The following ZCCHC4 variants were observed in gnomAD, a reference collection of about 807,000 sequenced individuals.
ZCCHC4 encodes the protein zinc finger CCHC-type containing 4.
ZCCHC4 carries 54 observed loss-of-function variants against 67.7 expected under a neutral mutation model. The ratio of observed to expected loss-of-function variants is 0.80; its 90% confidence interval spans 0.64 to 1.00. The LOEUF (loss-of-function observed/expected upper bound fraction) is 1.00, where lower values mean the gene tolerates loss of function less well. Among genes scored for constraint, ZCCHC4 ranks in the 50% least tolerant of loss-of-function variants. The pLI is 0.00. For synonymous variants in ZCCHC4, 198 were observed against 213.5 expected (o/e 0.93, Z 0.63); for missense variants, 609 against 617.0 (o/e 0.99, Z 0.14).
intron 5 of ZCCHC4, among the ~76,000 whole-genome samples, chr4:25,340,492 A>T (rs1477971942): frequency 2.6e-5 from 4 of 152,120 alleles, no homozygotes; most frequent in African/African-American, 9.7e-5. Flanking sequence ...TTGCGTTTCC[A>T]TATGAATGTT....
At chr4:25,353,629 T>C (rs1258711131) in intron 8 of ZCCHC4, among the ~76,000 whole-genome samples, 1 of 152,230 alleles carries the variant, frequency 6.6e-6, no homozygotes, top group Non-Finnish European at 1.5e-5. Context: ...ATATGTCAAA[T>C]GGATAACTGA....
chr4:25,323,288 G>A (rs1718680548), intron 3 of ZCCHC4, among the ~76,000 whole-genome samples: 2 of 152,110 alleles, frequency 1.3e-5, no homozygotes, highest in South Asian at 4.1e-4. Context: ...GTTCATGTGG[G>A]AAAGAAAAGA....
At position 25,333,342 on chromosome 4, in the gene ZCCHC4, A is replaced by C; in HGVS notation, c.489A>C (p.Pro163=). The change falls in exon 4 of 13, where the codon CCA becomes CCC. Residue 163 remains proline (P), a synonymous_variant. Coordinates refer to ENST00000302874, the MANE Select transcript of ZCCHC4 (RefSeq NM_024936.3). The part of the protein sequence containing the change: ...QLRRPSQLLY[P]LENKKTNAQY... ...GAAGGCCCAGTCAACTCCTTTATCC[A>C]CTGGAAAACAAGAAGACAAATGCCC... 6.2e-7 allele frequency: 1 copy of C among 1,614,096 alleles called. No homozygotes were observed. The highest frequency in any genetic ancestry group is 8.5e-7 in the Non-Finnish European group (1 of 1,180,024).
chr4:25,333,554 G>A, intron 4 of ZCCHC4, 96 bp downstream of exon 4: 2 of 1,326,974 alleles, frequency 1.5e-6, no homozygotes, highest in East Asian at 2.3e-5. Context: ...GCAAGGTATA[G>A]CATGAAGCTT....
intron 3 of ZCCHC4, among the ~76,000 whole-genome samples, chr4:25,321,393 G>A (rs1055408101): frequency 6.6e-6 from 1 of 151,976 alleles, no homozygotes; most frequent in African/African-American, 2.4e-5. Context: ...GTTTGTTTGA[G>A]ATGGAGTCTT....
intron 3 of ZCCHC4, among the ~76,000 whole-genome samples, chr4:25,327,689 C>T (rs899170010): frequency 6.6e-6 from 1 of 152,062 alleles, no homozygotes; most frequent in African/African-American, 2.4e-5. Flanking sequence ...CTGTGTTGCC[C>T]AGGCAGGTCT....
chr4:25,351,520 G>GA, intron 7 of ZCCHC4, 69 bp from the exon 8 acceptor site: 2 of 1,041,882 alleles, frequency 1.9e-6, no homozygotes, highest in Non-Finnish European at 1.4e-6. Context: ...GCTAGCGGAA[G>GA]TTTTTCTACT....
At position 25,312,858 on chromosome 4, in the gene ZCCHC4, G is replaced by C; in HGVS notation, c.49G>C (p.Ala17Pro). ...TGAAGCCGTGGAGGCAGAGGGCAGC[G>C]CAGGGTGCCGGGGAAGCTCGGGAAT... ...GFEAVEAEGS[A>P]GCRGSSGMEV... is the part of the protein sequence containing the mutation. Residue 17 changes from alanine (A) to proline (P), a missense_variant, in exon 1 of 13, where the codon GCA (alanine) becomes CCA (proline). Ala to Pro is a conservative substitution (Grantham distance 27). Transcript: ENST00000302874. 1 of 1,613,204 alleles carries C rather than the reference G, an allele frequency of 6.2e-7. No homozygotes were observed.
At chr4:25,327,736 C>G (rs1438695636) in intron 3 of ZCCHC4, among the ~76,000 whole-genome samples, 1 of 152,172 alleles carries the variant, frequency 6.6e-6, no homozygotes, top group Non-Finnish European at 1.5e-5. Context: ...CTGCCTCAGG[C>G]TTCCTAGAGT....
intron 8 of ZCCHC4, among the ~76,000 whole-genome samples, chr4:25,354,635 C>G (rs1577348212): frequency 6.6e-6 from 1 of 151,970 alleles, no homozygotes; most frequent in East Asian, 1.9e-4. Flanking sequence ...TTGCTTTCCT[C>G]TTTTTCTTTT....
At chr4:25,337,514 C>T (rs151103502) in intron 5 of ZCCHC4, among the ~76,000 whole-genome samples, 1 of 152,304 alleles carries the variant, frequency 6.6e-6, no homozygotes, top group Admixed American at 6.5e-5. Context: ...TCTGATTAGC[C>T]TGGCTGGGGT....
intron 4 of ZCCHC4, 78 bp downstream of exon 4, chr4:25,333,536 T>C: frequency 6.8e-7 from 1 of 1,472,400 alleles, no homozygotes; most frequent in Non-Finnish European, 9.4e-7. Context: ...AGTAGTTACT[T>C]ACTCTGTGCA....
chr4:25,324,167 C>A (rs1718737589), intron 3 of ZCCHC4, among the ~76,000 whole-genome samples: 1 of 114,266 alleles, frequency 8.8e-6, no homozygotes, highest in African/African-American at 3.6e-5. Context: ...GCACACCATG[C>A]CTGGCTAATT....
intron 8 of ZCCHC4, chr4:25,352,090 A>G: frequency 1.0e-6 from 1 of 989,422 alleles, no homozygotes; most frequent in Non-Finnish European, 1.2e-6. Context: ...TAGAAAAGTA[A>G]ATCACCTTTG....
intron 6 of ZCCHC4, among the ~76,000 whole-genome samples, chr4:25,346,083 C>T (rs1719997303): frequency 2.0e-5 from 3 of 152,130 alleles, no homozygotes; most frequent in African/African-American, 4.8e-5. Context: ...CCAGCCTCCC[C>T]CGACCCCTAC....
At chr4:25,339,895 G>A (rs1340727776) in intron 5 of ZCCHC4, among the ~76,000 whole-genome samples, 3 of 148,490 alleles carry the variant, frequency 2.0e-5, no homozygotes, top group African/African-American at 7.5e-5. Flanking sequence ...TTTTTGAGAC[G>A]GAGTCTTGCT....
chr4:25,358,476 G>C (rs957209862), intron 8 of ZCCHC4, among the ~76,000 whole-genome samples: 6 of 152,196 alleles, frequency 3.9e-5, no homozygotes, highest in African/African-American at 1.2e-4. Flanking sequence ...TGTAAAGTCT[G>C]TTGTATTAGA....
At chr4:25,338,061 A>C (rs1719547203) in intron 5 of ZCCHC4, among the ~76,000 whole-genome samples, 1 of 152,214 alleles carries the variant, frequency 6.6e-6, no homozygotes, top group African/African-American at 2.4e-5. Context: ...GTAGATATAT[A>C]ACCTTGAAAA....
intron 5 of ZCCHC4, among the ~76,000 whole-genome samples, chr4:25,345,064 A>G (rs1462520752): frequency 2.6e-5 from 4 of 152,064 alleles, no homozygotes; most frequent in Admixed American, 2.0e-4. Flanking sequence ...CAGCCTCCCA[A>G]AGTGCTAGAA....
Sources: gnomAD v4.1 joint callset for allele counts (sites outside exome capture counted in the v4.1 genomes callset) on GRCh38, gnomAD v4.1.1 for gene constraint, MANE v1.5 for transcripts, NCBI Gene and HGNC (gene_info 2026-07-23, HGNC 2026-07-21) for gene names.